Variants in KATNAL1 observed in about 807,000 individuals in gnomAD.
KATNAL1 encodes katanin catalytic subunit A1 like 1, also known as katanin p60 ATPase-containing subunit A-like 1.
Under a neutral mutation model 55.2 loss-of-function variants are expected in KATNAL1, and 32 were observed. The ratio of observed to expected loss-of-function variants is 0.58; its 90% CI spans 0.44 to 0.78. The LOEUF (loss-of-function observed/expected upper bound fraction) is 0.78. Ranked by LOEUF, KATNAL1 falls within the 30% of genes least tolerant of loss-of-function variation. KATNAL1 has a pLI of 0.00. For synonymous variants in KATNAL1, 193 were observed against 193.6 expected (o/e 1.00, Z 0.02); for missense variants, 466 against 600.9 (o/e 0.78, Z 2.35).
Position 30,203,536 on chromosome 13 carries a change from A to G in KATNAL1, c.*5004T>C, listed in dbSNP as rs769784823. On this transcript the variant is annotated 3_prime_UTR_variant, in exon 11 of 11. Coordinates refer to ENST00000380615, the MANE Select transcript of KATNAL1 (RefSeq NM_032116.5). ...CCTTTTATAAGAGGGAAACTTCTCT[A>G]TACAAATTCCCTATTTTTTTGTGTC... The G allele has an allele frequency of 1.3e-5, 2 of 152,242 alleles. No individual in the cohort carries two copies. The highest frequency in any genetic ancestry group is 2.9e-5 in the Non-Finnish European group (2 of 68,040). 9.4% of individuals were successfully genotyped at this position (152,242 alleles called of 1,614,324 possible). A position where few individuals can be genotyped will look rare whatever the true frequency, so the allele number is the denominator to read the frequency against.
rs1402630859 is a variant in KATNAL1, at chr13:30,208,516, AG to A, written c.*23del. 1 of 1,461,874 alleles carries A rather than the reference AG, an allele frequency of 6.8e-7. No individual in the cohort carries two copies. Among genetic ancestry groups the A allele is most frequent in the South Asian group, 1.5e-5 (1 of 66,244 alleles). 90.6% of individuals were successfully genotyped at this position (1,461,874 alleles called of 1,614,324 possible). On this transcript the variant is annotated 3_prime_UTR_variant, in exon 11 of 11. Transcript: ENST00000380615. ...TTCGTATTTTATCAACAAAAATACC[AG>A]AAATTAAAGAGCTGACAGAAATTCA... is the stretch of plus-strand genomic sequence containing the variant.
chr13:30,270,029 T>G (rs1411175873), intron 3 of KATNAL1, among the ~76,000 whole-genome samples: 991 of 42,738 alleles, frequency 0.023, no homozygotes, highest in African/African-American at 0.028. Context: ...GAGGTGGGGG[T>G]GTCAGCCCCC....
Position 30,222,529 on chromosome 13 carries a change from A to G in KATNAL1, c.1147+4883T>C, listed in dbSNP as rs543071391. ...GCAGGAAGTCACAGTTAATACATGG[A>G]CCAGAACTACAGTCATCCAAGGGTA... On this transcript the variant is annotated intron_variant, in intron 9 of 10. Transcript: ENST00000380615. 5.9e-5 allele frequency among the ~76,000 whole-genome samples: 9 copies of G among 152,306 alleles called. No homozygotes were observed. In the East Asian group the frequency reaches 1.4e-3, roughly 23 times the overall value.
intron 9 of KATNAL1, among the ~76,000 whole-genome samples, chr13:30,213,558 C>A (rs1156740050): frequency 6.6e-6 from 1 of 152,222 alleles, no homozygotes; most frequent in East Asian, 1.9e-4. Context: ...AGCAGCACAT[C>A]TAAAAGCTTA....
rs55662051 is a variant in KATNAL1 at position 30,205,632 on chromosome 13, ATGTGAG to A, written c.*2902_*2907del. The A allele has an allele frequency of 0.38, 53,542 of 142,646 alleles. 9,544 individuals are homozygous for A. The highest frequency in any genetic ancestry group is 0.51 in the African/African-American group (18,997 of 37,184). The allele number at this position is 142,646 out of a possible 1,614,324, so 8.8% of individuals were successfully genotyped here. A position where few individuals can be genotyped will look rare whatever the true frequency, so the allele number is the denominator to read the frequency against. The stretch of plus-strand genomic sequence containing the variant: ...AGTCAGAGTGTGTGTGTGTGTGTGT[ATGTGAG>A]TGTGAGTGTGTGTGTGATGTACATT... On this transcript the variant is annotated 3_prime_UTR_variant, in exon 11 of 11. Transcript: ENST00000380615.
chr13:30,244,853 A>C (rs1411385782), intron 4 of KATNAL1, among the ~76,000 whole-genome samples: 1 of 152,212 alleles, frequency 6.6e-6, no homozygotes, highest in African/African-American at 2.4e-5. Flanking sequence ...AACCAGGAAG[A>C]AGTCAAATCC....
rs897586338 is a variant in KATNAL1, at chr13:30,203,904, T to C, written c.*4636A>G. The C allele has an allele frequency of 6.6e-6, 1 of 152,068 alleles. No individual in the cohort carries two copies. Among genetic ancestry groups the C allele is most frequent in the African/African-American group, 2.4e-5 (1 of 41,380 alleles). 9.4% of individuals were successfully genotyped at this position (152,068 alleles called of 1,614,324 possible). On this transcript the variant is annotated 3_prime_UTR_variant, in exon 11 of 11. Coordinates refer to ENST00000380615, the MANE Select transcript of KATNAL1 (RefSeq NM_032116.5). ...AGCAAATGTCAAAAAAATTTAAGTA[T>C]GAAAAGCCTAATTTAAAAGTATAAA...
At chr13:30,229,450 T>C (rs1037748173) in intron 8 of KATNAL1, among the ~76,000 whole-genome samples, 3 of 152,216 alleles carry the variant, frequency 2.0e-5, no homozygotes, top group Non-Finnish European at 4.4e-5. Flanking sequence ...CTGGGTGCAG[T>C]GGCTCATGTC....
chr13:30,230,727 G>T, intron 7 of KATNAL1, 133 bp from the exon 8 acceptor site: 1 of 649,616 alleles, frequency 1.5e-6, no homozygotes, highest in Non-Finnish European at 2.5e-6. Flanking sequence ...TCTGGTTATG[G>T]CAAAGGCTAA....
rs1202419702 is a variant in KATNAL1 at position 30,210,346 on chromosome 13, T to G, written c.1244A>C (p.Tyr415Ser). The change falls in exon 10 of 11, where the codon TAT becomes TCT. Residue 415 changes from tyrosine (Y) to serine (S), a missense_variant. Tyr to Ser is a moderately radical substitution (Grantham distance 144). Around this residue, in one of 3 missense-constraint regions of KATNAL1, gnomAD observed 213 missense variants for 308.6 expected, o/e 0.69. Transcript: ENST00000380615. ...LEDIAEKIEGYSGADITNVCR... is the reference protein window; with the variant it reads ...LEDIAEKIEGSSGADITNVCR... ...AACATTAGTGATGTCAGCACCAGAA[T>G]AGCCCTCAATCTTCTCGGCTATATC... The G allele has an allele frequency of 3.1e-6, 5 of 1,608,218 alleles. No homozygotes were observed. The South Asian group carries it at 3.3e-5, about 11-fold the overall frequency.
At chr13:30,246,611 C>A (rs1877820722) in intron 4 of KATNAL1, among the ~76,000 whole-genome samples, 1 of 152,194 alleles carries the variant, frequency 6.6e-6, no homozygotes, top group Non-Finnish European at 1.5e-5. Flanking sequence ...AGGCAACCTA[C>A]AGAATGGGAG....
chr13:30,227,048 C>G (rs1875554528), intron 9 of KATNAL1, among the ~76,000 whole-genome samples: 1 of 151,968 alleles, frequency 6.6e-6, no homozygotes, highest in Non-Finnish European at 1.5e-5. Context: ...TGCACTCCAG[C>G]CTGGGCAACA....
chr13:30,295,841 T>G (rs1034677243), intron 1 of KATNAL1, among the ~76,000 whole-genome samples: 2 of 152,104 alleles, frequency 1.3e-5, no homozygotes, highest in Non-Finnish European at 2.9e-5. Context: ...ACAGTATAAT[T>G]GCATGCTATG....
chr13:30,279,782 G>A (rs1022817318), intron 3 of KATNAL1, among the ~76,000 whole-genome samples: 3 of 152,096 alleles, frequency 2.0e-5, no homozygotes, highest in South Asian at 4.1e-4. Context: ...CTGCCATTAC[G>A]AAACCCAAAA....
intron 1 of KATNAL1, among the ~76,000 whole-genome samples, chr13:30,301,484 G>A (rs749909479): frequency 5.9e-5 from 9 of 152,134 alleles, no homozygotes; most frequent in African/African-American, 9.7e-5. Context: ...CAAGTAATAC[G>A]ATAAAAATGT....
chr13:30,213,048 C>T (rs958712411), intron 9 of KATNAL1, among the ~76,000 whole-genome samples: 1 of 151,336 alleles, frequency 6.6e-6, no homozygotes, highest in Non-Finnish European at 1.5e-5. Flanking sequence ...GAGAGAGGCC[C>T]CAGAGTGCAA....
chr13:30,227,332 T>A, intron 9 of KATNAL1, 80 bp downstream of exon 9: 1 of 1,366,068 alleles, frequency 7.3e-7, no homozygotes, highest in Non-Finnish European at 1.0e-6. Context: ...TTAAGCAGAA[T>A]GGCAATGGAA....
In KATNAL1 at chr13:30,283,809, T is replaced by C; in HGVS notation, c.-14-18A>G. 1.3e-6 allele frequency: 2 copies of C among 1,548,196 alleles called. No homozygotes were observed. The highest frequency in any genetic ancestry group is 1.7e-6 in the Non-Finnish European group (2 of 1,143,928). On this transcript the variant is annotated intron_variant, in intron 1 of 10. Coordinates refer to ENST00000380615, the MANE Select transcript of KATNAL1 (RefSeq NM_032116.5). ...TCAGAGACCTAAACATAAAATATAA[T>C]GACTTTTTAAAAATTTTCAGCACTG...
At chr13:30,286,504 G>A (rs979901523) in intron 1 of KATNAL1, among the ~76,000 whole-genome samples, 1 of 152,234 alleles carries the variant, frequency 6.6e-6, no homozygotes, top group Admixed American at 6.5e-5. Context: ...CTGAGGTTTG[G>A]GAACCTCCAC....
Sources: gnomAD v4.1 joint callset for allele counts (sites outside exome capture counted in the v4.1 genomes callset) on GRCh38, gnomAD v4.1.1 for gene constraint, gnomAD v4.1.1 regional missense constraint, MANE v1.5 for transcripts, NCBI Gene and HGNC (gene_info 2026-07-23, HGNC 2026-07-21) for gene names.